Variants in USP25 observed in about 807,000 individuals in gnomAD.
USP25 encodes ubiquitin carboxyl-terminal hydrolase 25.
USP25 carries 85 observed loss-of-function variants against 158.5 expected under a neutral mutation model. The ratio of observed to expected loss-of-function variants is 0.54; its 90% CI spans 0.45 to 0.64. The LOEUF is 0.64. Ranked by LOEUF, USP25 falls within the 30% of genes least tolerant of loss-of-function variation. The pLI is 0.00. For missense variants in USP25, 1,242 were observed against 1,327.3 expected (o/e 0.94, Z 1.00); for synonymous variants, 464 against 460.4 (o/e 1.01, Z -0.10).
chr21:15,877,729 C>G, intron 24 of USP25, 67 bp from the exon 25 acceptor site: 2 of 1,140,208 alleles, frequency 1.8e-6, no homozygotes, highest in Non-Finnish European at 2.5e-6. Context: ...CTTATTAATA[C>G]TTACAGATCC....
Position 15,816,180 on chromosome 21 carries a change from T to A in USP25, c.932-2518T>A, listed in dbSNP as rs2036927149. Among the ~76,000 whole-genome samples the A allele has an allele frequency of 1.3e-5, 2 of 151,528 alleles. No homozygotes were observed. ...TTCTCATGATATTGAATACATCTCA[T>A]GAGATCTAATGAGTTTATCATGGGT... On this transcript the variant is annotated intron_variant, in intron 9 of 25. Transcript: ENST00000400183. This position sits in a 1 kb window ranked among gnomAD's most constrained non-coding sequence, Gnocchi z 4.0.
chr21:15,764,015 T>C (rs1271892094), intron 2 of USP25, among the ~76,000 whole-genome samples: 1 of 152,178 alleles, frequency 6.6e-6, no homozygotes, highest in Non-Finnish European at 1.5e-5. Flanking sequence ...ACTTAATTTA[T>C]GCTTCTTTTA....
intron 19 of USP25, among the ~76,000 whole-genome samples, chr21:15,849,304 G>A (rs1283107325): frequency 6.6e-6 from 1 of 152,160 alleles, no homozygotes; most frequent in African/African-American, 2.4e-5. Flanking sequence ...TTAAAAATGA[G>A]TTGTTATGGA....
At chr21:15,859,428 C>G (rs1356174620) in intron 20 of USP25, among the ~76,000 whole-genome samples, 1 of 152,084 alleles carries the variant, frequency 6.6e-6, no homozygotes, top group South Asian at 2.1e-4. Flanking sequence ...ATCTTCTGAC[C>G]TCGTGATCTG....
At chr21:15,775,872 T>G (rs528452636) in intron 3 of USP25, among the ~76,000 whole-genome samples, 62 of 151,978 alleles carry the variant, frequency 4.1e-4, no homozygotes, top group African/African-American at 1.2e-3. Flanking sequence ...TCTGTTTTTT[T>G]TTATGTTTAG....
At chr21:15,852,174 C>T (rs2038919421) in intron 20 of USP25, among the ~76,000 whole-genome samples, 2 of 151,978 alleles carry the variant, frequency 1.3e-5, no homozygotes, top group South Asian at 4.1e-4. Flanking sequence ...AAACTGTGCT[C>T]TTTGTCAGAT....
At chr21:15,798,808 T>C (rs2146245566) in intron 5 of USP25, among the ~76,000 whole-genome samples, 1 of 151,436 alleles carries the variant, frequency 6.6e-6, no homozygotes, top group African/African-American at 2.4e-5. Flanking sequence ...TTTCTTTATA[T>C]GTAGTTTTCT....
rs2037427547 is a variant in USP25, at chr21:15,824,959, C to T, written c.1209-7C>T. 2 of 1,599,646 alleles carry T rather than the reference C, an allele frequency of 1.3e-6. No homozygotes were observed. The highest frequency in any genetic ancestry group is 1.7e-6 in the Non-Finnish European group (2 of 1,170,002). On this transcript the variant is annotated splice_polypyrimidine_tract_variant and splice_region_variant and intron_variant, in intron 11 of 25. Transcript: ENST00000400183. ...CGGAAATGCTAATGATTACCTTTTT[C>T]TGATAGATACATGCACAGAAACAGA...
intron 22 of USP25, 117 bp downstream of exon 22, chr21:15,866,461 T>G: frequency 1.5e-6 from 1 of 651,160 alleles, no homozygotes; most frequent in Non-Finnish European, 2.3e-6. Context: ...GTAAAAAAAT[T>G]AAGTTTCCAA....
chr21:15,790,608 G>T (rs1341084599), intron 4 of USP25, among the ~76,000 whole-genome samples: 1 of 150,148 alleles, frequency 6.7e-6, no homozygotes, highest in African/African-American at 2.4e-5. Context: ...TAAGATACCT[G>T]AATGTTATTT....
chr21:15,868,127 T>C (rs2039735825), intron 22 of USP25, among the ~76,000 whole-genome samples: 1 of 152,228 alleles, frequency 6.6e-6, no homozygotes, highest in Non-Finnish European at 1.5e-5. Context: ...TTTGATTTCT[T>C]CTTTATTCCA....
chr21:15,824,011 T>C (rs767694342), intron 10 of USP25, 28 bp from the exon 11 acceptor site: 34 of 1,599,564 alleles, frequency 2.1e-5, no homozygotes, highest in Non-Finnish European at 2.8e-5. Flanking sequence ...GGTATTAAAG[T>C]TTTTGTTATT....
chr21:15,767,046 T>G (rs538609708), intron 3 of USP25, among the ~76,000 whole-genome samples: 1 of 152,212 alleles, frequency 6.6e-6, no homozygotes, highest in South Asian at 2.1e-4. Context: ...ACTAGAATAC[T>G]CCTGTCTCAC....
At chr21:15,817,564 AAAAG>A (rs1016634564) in intron 9 of USP25, among the ~76,000 whole-genome samples, 19 of 152,260 alleles carry the variant, frequency 1.2e-4, no homozygotes, top group African/African-American at 3.4e-4. Context: ...GGCAATTTGC[AAAAG>A]AAAGAGGTTT....
At chr21:15,837,653 T>C (rs2146420631) in intron 17 of USP25, among the ~76,000 whole-genome samples, 1 of 152,318 alleles carries the variant, frequency 6.6e-6, no homozygotes, top group East Asian at 1.9e-4. Context: ...ATTACTCTTG[T>C]CTTATCCAAG....
At chr21:15,825,810 A>T (rs969787449) in intron 12 of USP25, among the ~76,000 whole-genome samples, 10 of 152,362 alleles carry the variant, frequency 6.6e-5, no homozygotes, top group African/African-American at 2.2e-4. Flanking sequence ...AAGTATGAAT[A>T]ATCATATTGA....
At chr21:15,873,165 A>C (rs768832471) in intron 23 of USP25, among the ~76,000 whole-genome samples, 1 of 152,040 alleles carries the variant, frequency 6.6e-6, no homozygotes, top group Non-Finnish European at 1.5e-5. Flanking sequence ...GCTGGAATGC[A>C]GTGGTATGAT....
Position 15,842,164 on chromosome 21 carries a change from T to C in USP25, c.2195-234T>C, listed in dbSNP as rs144341053. Among the ~76,000 whole-genome samples the C allele has an allele frequency of 8.3e-3, 1,263 of 152,296 alleles. 11 individuals carry two copies. The highest frequency in any genetic ancestry group is 0.014 in the Non-Finnish European group (969 of 68,018). ...AAAATTTACTGTGAATTCCTTACCA[T>C]AAACTATAATGAGAGCTTTCTTTCA... On this transcript the variant is annotated intron_variant, in intron 17 of 25. Transcript: ENST00000400183.
chr21:15,789,973 T>C (rs941346096), intron 4 of USP25, among the ~76,000 whole-genome samples: 5 of 152,090 alleles, frequency 3.3e-5, no homozygotes, highest in African/African-American at 4.8e-5. Context: ...CAGGTTATTA[T>C]TATTCTGCTG....
Sources: gnomAD v4.1 joint callset for allele counts (sites outside exome capture counted in the v4.1 genomes callset) on GRCh38, gnomAD v4.1.1 for gene constraint, Gnocchi (gnomAD v3.1) non-coding constraint, MANE v1.5 for transcripts, NCBI Gene and HGNC (gene_info 2026-07-23, HGNC 2026-07-21) for gene names.